The following KCNC4 variants were observed in gnomAD, a reference collection of about 807,000 sequenced individuals.
The protein encoded by KCNC4 is voltage-gated potassium channel KCNC4.
In KCNC4, 23 loss-of-function variants were observed where a neutral mutation model predicts 42.8. The ratio of observed to expected loss-of-function variants is 0.54; its 90% CI spans 0.39 to 0.76. KCNC4 has a LOEUF of 0.76. Ranked by LOEUF, KCNC4 falls within the 30% of genes least tolerant of loss-of-function variation. The pLI, the probability that KCNC4 is intolerant of heterozygous loss-of-function variation, is 0.00. For synonymous variants in KCNC4, 422 were observed against 393.5 expected (o/e 1.07, Z -0.86); for missense variants, 751 against 898.2 (o/e 0.84, Z 2.10).
Position 110,211,340 on chromosome 1 carries a change from C to T in KCNC4, c.-160C>T. The T allele has an allele frequency of 9.3e-7, 1 of 1,073,824 alleles. No homozygotes were observed. The highest frequency in any genetic ancestry group is 1.3e-6 in the Non-Finnish European group (1 of 764,368). 66.5% of individuals were successfully genotyped at this position (1,073,824 alleles called of 1,614,324 possible). A position where few individuals can be genotyped will look rare whatever the true frequency, so the allele number is the denominator to read the frequency against. ...AATCCAACTCCTCCCGCTCCGCGTC[C>T]TAGGGGGATAGGCAGGGGCAAGCCC... On this transcript the variant is annotated 5_prime_UTR_variant, in exon 1 of 4. Transcript: ENST00000438661. The surrounding 1 kb of genome is among the most constrained non-coding windows in gnomAD (Gnocchi z 6.5).
At chr1:110,235,124 C>T (rs147165141), downstream of KCNC4, 2,299 of 152,376 alleles carry the variant, frequency 0.015, 35 homozygotes, top group Non-Finnish European at 0.019. Context: ...AGAACACACC[C>T]GGGAGCTGTC....
At position 110,223,792 on chromosome 1, in the gene KCNC4, G is replaced by A; in HGVS notation, c.1507G>A (p.Glu503Lys). 1 of 1,614,152 alleles carries A rather than the reference G, an allele frequency of 6.2e-7. No individual in the cohort carries two copies. Among genetic ancestry groups the A allele is most frequent in the Non-Finnish European group, 8.5e-7 (1 of 1,180,030 alleles). ...KKHVPRPAQL[E>K]SPMYCKSEET... is the part of the protein sequence containing the mutation. ...GCACGTGCCACGGCCGGCGCAGCTG[G>A]AGTCACCCATGTACTGCAAGTCTGA... The change falls in exon 2 of 4, where the codon GAG becomes AAG. Residue 503 changes from glutamate to lysine, a missense_variant. Around this residue, in one of 4 missense-constraint regions of KCNC4, gnomAD observed 202 missense variants for 181.5 expected, o/e 1.11. Transcript: ENST00000438661. The surrounding 1 kb of genome is among the most constrained non-coding windows in gnomAD (Gnocchi z 7.5).
chr1:110,247,248 G>C (rs1267271817), exon 4 of KCNC4: 1 of 143,598 alleles, frequency 7.0e-6, no homozygotes, highest in Non-Finnish European at 1.5e-5. Context: ...TTTTTTTTTA[G>C]GCAAGATCTA....
intron 3 of KCNC4, chr1:110,232,538 A>AC (rs1297412204): frequency 2.8e-6 from 4 of 1,434,876 alleles, no homozygotes; most frequent in Middle Eastern, 2.6e-4. Flanking sequence ...TCTCCACTGC[A>AC]CTGGAGCTTT....
chr1:110,226,709 G>A (rs1658418097), intron 3 of KCNC4, among the ~76,000 whole-genome samples: 1 of 152,238 alleles, frequency 6.6e-6, no homozygotes, highest in Non-Finnish European at 1.5e-5. Flanking sequence ...CACCTAGAGG[G>A]TGACTGTCCT....
At chr1:110,277,673 A>G (rs3849178) in intron 1 of KCNC4, among the ~76,000 whole-genome samples, 44,140 of 152,138 alleles carry the variant, frequency 0.29, 6,848 homozygotes, top group Admixed American at 0.43. Context: ...TAACATCATA[A>G]AAGGCCCCAG....
intron 1 of KCNC4, among the ~76,000 whole-genome samples, chr1:110,266,521 G>A (rs1241242361): frequency 6.6e-6 from 1 of 152,140 alleles, no homozygotes; most frequent in African/African-American, 2.4e-5. Context: ...ACTTTACATG[G>A]GATAACTCCT....
At chr1:110,217,042 C>T (rs970808477) in intron 1 of KCNC4, among the ~76,000 whole-genome samples, 27 of 152,184 alleles carry the variant, frequency 1.8e-4, no homozygotes, top group African/African-American at 3.9e-4. Context: ...ACACTTACTG[C>T]GTACTTACCA....
At chr1:110,267,712 G>A (rs1039723093) in intron 1 of KCNC4, among the ~76,000 whole-genome samples, 5 of 152,144 alleles carry the variant, frequency 3.3e-5, no homozygotes, top group Non-Finnish European at 5.9e-5. Context: ...GACTGAAATC[G>A]CCTTTGCAGA....
chr1:110,262,675 T>G (rs543647575), intron 1 of KCNC4, among the ~76,000 whole-genome samples: 1 of 152,188 alleles, frequency 6.6e-6, no homozygotes, highest in Non-Finnish European at 1.5e-5. Context: ...TCTATCAACC[T>G]TGTCAAACCC....
At chr1:110,214,868 C>T (rs575524634) in intron 1 of KCNC4, among the ~76,000 whole-genome samples, 10 of 152,352 alleles carry the variant, frequency 6.6e-5, no homozygotes, top group Admixed American at 3.9e-4. Context: ...TGTATTACCC[C>T]TCCAGGCCTG....
intron 1 of KCNC4, among the ~76,000 whole-genome samples, chr1:110,274,940 G>C (rs866231665): frequency 2.4e-4 from 36 of 152,338 alleles, no homozygotes; most frequent in Middle Eastern, 3.4e-3. Context: ...AACTCTTCTG[G>C]ACATTGGTCT....
chr1:110,223,309 G>T lies in KCNC4; in HGVS notation c.1024G>T (p.Val342Leu). The change falls in exon 2 of 4, where the codon GTG (valine) becomes TTG (leucine). Residue 342 changes from valine (V) to leucine (L), a missense_variant. This residue lies in a region of KCNC4 where 185 missense variants were observed against 293.7 expected (regional missense o/e 0.63). Coordinates refer to ENST00000438661, the MANE Select transcript of KCNC4 (RefSeq NM_001039574.3). This position sits in a 1 kb window ranked among gnomAD's most constrained non-coding sequence, Gnocchi z 7.5. ...SGLSSKAARD[V>L]LGFLRVVRFV... Reference sequence around the variant, plus strand: ...CCTGTCATCCAAGGCGGCCCGCGACGTGCTGGGCTTCCTGCGCGTGGTGCG... The same window carrying T: ...CCTGTCATCCAAGGCGGCCCGCGACTTGCTGGGCTTCCTGCGCGTGGTGCG... 6.2e-7 allele frequency: 1 copy of T among 1,614,124 alleles called. No homozygotes were observed. The highest frequency in any genetic ancestry group is 1.1e-5 in the South Asian group (1 of 91,082).
At chr1:110,217,349 G>A (rs765265798) in intron 1 of KCNC4, among the ~76,000 whole-genome samples, 9 of 152,168 alleles carry the variant, frequency 5.9e-5, no homozygotes, top group Admixed American at 1.3e-4. Context: ...GTAGGATACT[G>A]ACTTAGTGCC....
At chr1:110,227,743 C>A (rs79154420) in intron 3 of KCNC4, among the ~76,000 whole-genome samples, 14,991 of 152,220 alleles carry the variant, frequency 0.098, 988 homozygotes, top group East Asian at 0.2. Context: ...TGCCACGCAT[C>A]CCTGCTTTCC....
intron 3 of KCNC4, among the ~76,000 whole-genome samples, chr1:110,231,941 G>A (rs957730414): frequency 2.0e-5 from 3 of 152,130 alleles, no homozygotes; most frequent in Non-Finnish European, 4.4e-5. Context: ...TGCCACATCT[G>A]CACTCCACCT....
intron 1 of KCNC4, among the ~76,000 whole-genome samples, chr1:110,271,073 C>A (rs1003797122): frequency 6.6e-6 from 1 of 152,188 alleles, no homozygotes; most frequent in Non-Finnish European, 1.5e-5. Flanking sequence ...CAAGGAATGA[C>A]TCTCCAGAGT....
intron 1 of KCNC4, among the ~76,000 whole-genome samples, chr1:110,259,318 G>A (rs1477889887): frequency 6.6e-6 from 1 of 152,220 alleles, no homozygotes; most frequent in Non-Finnish European, 1.5e-5. Context: ...TTTGAGAGGG[G>A]ACGGTGGACA....
intron 1 of KCNC4, among the ~76,000 whole-genome samples, chr1:110,267,895 T>C (rs1193522517): frequency 2.0e-5 from 3 of 152,234 alleles, no homozygotes; most frequent in Admixed American, 6.5e-5. Context: ...GTTCAGAGAT[T>C]GAAGTCGCAT....
Sources: gnomAD v4.1 joint callset for allele counts (sites outside exome capture counted in the v4.1 genomes callset) on GRCh38, gnomAD v4.1.1 for gene constraint, gnomAD v4.1.1 regional missense constraint, Gnocchi (gnomAD v3.1) non-coding constraint, MANE v1.5 for transcripts, NCBI Gene and HGNC (gene_info 2026-07-23, HGNC 2026-07-21) for gene names.